ZNF385D: variants seen among roughly 807,000 people sequenced by gnomAD.
ZNF385D encodes the protein zinc finger protein 385D, also known as zinc finger protein 659.
Under a neutral mutation model 35.8 loss-of-function variants are expected in ZNF385D, and 15 were observed. The ratio of observed to expected loss-of-function variants is 0.42; its 90% confidence interval spans 0.28 to 0.64. The LOEUF is 0.64. ZNF385D is among the 30% of genes least tolerant of loss of function. The pLI, the probability that ZNF385D is intolerant of heterozygous loss-of-function variation, is 0.23. For synonymous variants in ZNF385D, 212 were observed against 186.8 expected, an observed-to-expected ratio of 1.13 and a Z score of -1.10; for missense variants, 474 against 494.6, an observed-to-expected ratio of 0.96 and a Z score of 0.39.
At chr3:21,494,551 G>T (rs1423472533) in intron 4 of ZNF385D, among the ~76,000 whole-genome samples, 1 of 152,074 alleles carries the variant, frequency 6.6e-6, no homozygotes, top group Non-Finnish European at 1.5e-5. Context: ...GGCCCCGGGA[G>T]GAATCAAAAC....
intron 3 of ZNF385D, among the ~76,000 whole-genome samples, chr3:21,893,553 T>C (rs1698989078): frequency 6.6e-6 from 1 of 152,164 alleles, no homozygotes; most frequent in African/African-American, 2.4e-5. Flanking sequence ...CTAAGCACTT[T>C]ATTGTGTCCT....
chr3:22,291,338 A>AT (rs1482649924), intron 2 of ZNF385D, among the ~76,000 whole-genome samples: 1 of 152,022 alleles, frequency 6.6e-6, no homozygotes, highest in Non-Finnish European at 1.5e-5. Flanking sequence ...ATCAAGACCC[A>AT]TTTTCTGCCC....
chr3:21,631,532 T>C (rs929821980), intron 2 of ZNF385D, among the ~76,000 whole-genome samples: 1 of 152,068 alleles, frequency 6.6e-6, no homozygotes, highest in Non-Finnish European at 1.5e-5. Flanking sequence ...ATAGATAACA[T>C]TTTCTTCTCT....
chr3:22,316,426 T>C (rs1199620166), intron 2 of ZNF385D, among the ~76,000 whole-genome samples: 2 of 152,210 alleles, frequency 1.3e-5, no homozygotes, highest in South Asian at 2.1e-4. Flanking sequence ...TAGGAATATT[T>C]TAATTTATAG....
intron 3 of ZNF385D, among the ~76,000 whole-genome samples, chr3:22,148,092 A>G (rs1704978965): frequency 6.6e-6 from 1 of 152,142 alleles, no homozygotes; most frequent in Admixed American, 6.5e-5. Context: ...CAACTTTATG[A>G]GTGGAATTCC....
chr3:22,028,984 GGTGGAA>G (rs994208941), intron 3 of ZNF385D, among the ~76,000 whole-genome samples: 7 of 152,046 alleles, frequency 4.6e-5, no homozygotes, highest in African/African-American at 7.2e-5. Context: ...GGAATCAAGG[GGTGGAA>G]GTGGAAGTGG....
intron 3 of ZNF385D, among the ~76,000 whole-genome samples, chr3:22,008,212 G>C (rs1038739451): frequency 1.3e-5 from 2 of 152,036 alleles, no homozygotes; most frequent in Non-Finnish European, 2.9e-5. Context: ...TCAAAATAAG[G>C]TAGACTAGGA....
At chr3:21,800,307 G>T (rs1382092006) in intron 3 of ZNF385D, among the ~76,000 whole-genome samples, 1 of 152,134 alleles carries the variant, frequency 6.6e-6, no homozygotes, top group African/African-American at 2.4e-5. Flanking sequence ...GATAGGGATG[G>T]CATTGAATCT....
intron 2 of ZNF385D, among the ~76,000 whole-genome samples, chr3:22,222,416 G>A (rs1698314069): frequency 6.6e-6 from 1 of 152,090 alleles, no homozygotes; most frequent in Non-Finnish European, 1.5e-5. Flanking sequence ...CTTTATTAAA[G>A]AAAATTAAGT....
chr3:22,299,373 T>G (rs1460747464), intron 2 of ZNF385D, among the ~76,000 whole-genome samples: 2 of 151,842 alleles, frequency 1.3e-5, no homozygotes, highest in East Asian at 3.8e-4. Context: ...GGAACTTGCA[T>G]GCTGAATATT....
chr3:21,755,854 C>T (rs966267466), upstream of ZNF385D, among the ~76,000 whole-genome samples: 16 of 152,238 alleles, frequency 1.1e-4, no homozygotes, highest in East Asian at 1.9e-4. Flanking sequence ...GGATGAAGAA[C>T]GCTGCAGAAA....
At chr3:22,251,904 G>A (rs1364033904) in intron 2 of ZNF385D, among the ~76,000 whole-genome samples, 1 of 152,040 alleles carries the variant, frequency 6.6e-6, no homozygotes, top group Non-Finnish European at 1.5e-5. Flanking sequence ...TGTAAAATAA[G>A]GTTTGGGCGA....
Position 21,849,457 on chromosome 3 carries a change from T to C in ZNF385D, c.326-184429A>G, listed in dbSNP as rs570604792. 7.9e-5 allele frequency among the ~76,000 whole-genome samples: 12 copies of C among 152,090 alleles called. No homozygotes were observed. In the East Asian group the frequency reaches 1.2e-3, roughly 15 times the overall value. ...CCACATGTCCTTTCTCTAACATCCATTGCCTATTTTTAATTAAAAGAATAA... is the reference window on the plus strand; with the variant it reads ...CCACATGTCCTTTCTCTAACATCCACTGCCTATTTTTAATTAAAAGAATAA... On this transcript the variant is annotated intron_variant, in intron 3 of 5. Coordinates refer to the ZNF385D transcript ENST00000494108.
At chr3:22,048,361 G>T (rs1699136475) in intron 3 of ZNF385D, among the ~76,000 whole-genome samples, 1 of 152,052 alleles carries the variant, frequency 6.6e-6, no homozygotes, top group South Asian at 2.1e-4. Context: ...CTTTCCTCTA[G>T]CAGTTTTATA....
intron 3 of ZNF385D, among the ~76,000 whole-genome samples, chr3:21,876,089 C>A (rs1697948583): frequency 6.6e-6 from 1 of 152,024 alleles, no homozygotes; most frequent in Non-Finnish European, 1.5e-5. Context: ...TATTTTCACA[C>A]ATAATATAAT....
At chr3:21,741,424 C>T (rs1458260813) in intron 1 of ZNF385D, among the ~76,000 whole-genome samples, 3 of 152,120 alleles carry the variant, frequency 2.0e-5, no homozygotes, top group Non-Finnish European at 4.4e-5. Flanking sequence ...AGCTATAGCC[C>T]ACCATTCCTC....
At chr3:22,307,280 T>G (rs1453329661) in intron 2 of ZNF385D, among the ~76,000 whole-genome samples, 1 of 152,146 alleles carries the variant, frequency 6.6e-6, no homozygotes, top group Admixed American at 6.6e-5. Context: ...AAGATAAGTC[T>G]GCAATGATAG....
intron 3 of ZNF385D, among the ~76,000 whole-genome samples, chr3:22,143,183 C>G (rs983455996): frequency 6.6e-6 from 1 of 151,608 alleles, no homozygotes; most frequent in Non-Finnish European, 1.5e-5. Context: ...CCCAAGTTCA[C>G]TCCATTCTCC....
chr3:21,745,439 C>T (rs1198187359), intron 1 of ZNF385D, among the ~76,000 whole-genome samples: 1 of 152,296 alleles, frequency 6.6e-6, no homozygotes, highest in South Asian at 2.1e-4. Context: ...CATATGCAAT[C>T]AGGGCTGACT....
Sources: gnomAD v4.1 joint callset for allele counts (sites outside exome capture counted in the v4.1 genomes callset) on GRCh38, gnomAD v4.1.1 for gene constraint, MANE v1.5 for transcripts, NCBI Gene and HGNC (gene_info 2026-07-23, HGNC 2026-07-21) for gene names.